Variants in FAM234A observed in about 807,000 individuals in gnomAD.
The protein encoded by FAM234A is protein FAM234A.
A neutral mutation model predicts 49.1 loss-of-function variants in FAM234A; 42 were observed. The ratio of observed to expected loss-of-function variants is 0.86; its 90% CI spans 0.67 to 1.11. The LOEUF (loss-of-function observed/expected upper bound fraction) is 1.11, where lower values mean the gene tolerates loss of function less well. FAM234A is among the 50% of genes least tolerant of loss of function. FAM234A has a pLI of 0.00. For synonymous variants in FAM234A, 369 were observed against 316.2 expected (o/e 1.17, Z -1.77); for missense variants, 815 against 745.2 (o/e 1.09, Z -1.09).
At chr16:269,008 A>G, downstream of FAM234A, 1 of 1,430,558 alleles carries the variant, frequency 7.0e-7, no homozygotes, top group Non-Finnish European at 9.6e-7. Context: ...CTCTTCAGGT[A>G]ACAGGCTCTG....
intron 3 of FAM234A, among the ~76,000 whole-genome samples, chr16:258,695 C>T (rs1213181885): frequency 2.6e-5 from 4 of 152,188 alleles, no homozygotes; most frequent in African/African-American, 7.2e-5. Flanking sequence ...GGGTGGTAGC[C>T]GGGCAGAGGG....
intron 12 of FAM234A, 27 bp downstream of exon 12, chr16:264,743 G>T: frequency 1.2e-6 from 2 of 1,607,894 alleles, no homozygotes; most frequent in Non-Finnish European, 1.7e-6. Flanking sequence ...CCAGGGACCC[G>T]GGTGTTCCGC....
intron 3 of FAM234A, 46 bp downstream of exon 3, chr16:254,727 C>T: frequency 1.3e-6 from 2 of 1,598,356 alleles, no homozygotes; most frequent in Non-Finnish European, 1.7e-6. Context: ...GCAGCTCTTC[C>T]CAGGGGATGG....
chr16:260,150 C>T lies in FAM234A; in HGVS notation c.567C>T (p.Asn189=), dbSNP rs1449748786. Residue 189 remains asparagine, a synonymous_variant, in exon 5 of 13, where the codon AAC becomes AAT. Coordinates refer to ENST00000399932, the MANE Select transcript of FAM234A (RefSeq NM_032039.4). Reference sequence around the variant, plus strand: ...GACCCAGTTCTTTCATTGCAGTCAACTTGTTCACAGGTAGGCCAGCCAGGC... The same window carrying T: ...GACCCAGTTCTTTCATTGCAGTCAATTTGTTCACAGGTAGGCCAGCCAGGC... ...VGRPSSFIAV[N]LFTGETLWNH... 1.2e-6 allele frequency: 2 copies of T among 1,613,676 alleles called. No homozygotes were observed. Among genetic ancestry groups the T allele is most frequent in the East Asian group, 4.5e-5 (2 of 44,882 alleles).
chr16:241,310 G>A (rs948638184), intron 1 of FAM234A, among the ~76,000 whole-genome samples: 8 of 151,308 alleles, frequency 5.3e-5, no homozygotes, highest in African/African-American at 1.9e-4. Flanking sequence ...GGCTGGGCAC[G>A]GTGGTTCACA....
rs1236442005 is a variant in FAM234A at position 264,172 on chromosome 16, G to A, written c.1344+1G>A. The A allele has an allele frequency of 1.9e-6, 3 of 1,597,270 alleles. No individual in the cohort carries two copies. The highest frequency in any genetic ancestry group is 1.7e-5 in the Admixed American group (1 of 58,470). ...CGAGCTGGGGAGCACCAGCGAGACGGTACGGGAGCCACCCTCGGAGCAGCC... is the reference window on the plus strand; with the variant it reads ...CGAGCTGGGGAGCACCAGCGAGACGATACGGGAGCCACCCTCGGAGCAGCC... On this transcript the variant is annotated splice_donor_variant, in intron 11 of 12. Coordinates refer to ENST00000399932, the MANE Select transcript of FAM234A (RefSeq NM_032039.4). LOFTEE classifies it high-confidence loss of function.
chr16:237,763 G>T (rs1350879700), intron 1 of FAM234A, among the ~76,000 whole-genome samples: 2 of 150,540 alleles, frequency 1.3e-5, no homozygotes, highest in Non-Finnish European at 1.5e-5. Context: ...CCAGGCTGGA[G>T]TGCAGTGACG....
intron 2 of FAM234A, among the ~76,000 whole-genome samples, chr16:252,350 T>G (rs1048558037): frequency 6.6e-6 from 1 of 151,754 alleles, no homozygotes; most frequent in Non-Finnish European, 1.5e-5. Context: ...CCCAGCTAAT[T>G]TTTGTATTTT....
chr16:238,701 G>A (rs2050493164), intron 1 of FAM234A, among the ~76,000 whole-genome samples: 2 of 148,002 alleles, frequency 1.4e-5, no homozygotes, highest in African/African-American at 5.0e-5. Context: ...GGGAGGCGGA[G>A]GTTGTAGTGA....
At position 264,792 on chromosome 16, in the gene FAM234A, T is replaced by C. The variant is rs1423085342; in HGVS notation, c.1448-19T>C. On this transcript the variant is annotated intron_variant, in intron 12 of 12. Transcript: ENST00000399932. ...GCTGGTCCTGAGCCGCCCTGACAGC[T>C]GTGTCCCCCACCCTGCAGCCGTCCT... The C allele has an allele frequency of 6.2e-7, 1 of 1,607,448 alleles. No individual in the cohort carries two copies. The highest frequency in any genetic ancestry group is 1.7e-5 in the Admixed American group (1 of 59,814).
chr16:262,653 C>T, intron 8 of FAM234A, 100 bp downstream of exon 8: 1 of 1,274,740 alleles, frequency 7.8e-7, no homozygotes, highest in Non-Finnish European at 1.0e-6. Context: ...CCCAGAGCAG[C>T]CCCACCGGCA....
chr16:254,053 G>T, intron 2 of FAM234A: 1 of 285,320 alleles, frequency 3.5e-6, no homozygotes, highest in South Asian at 3.7e-5. Flanking sequence ...CTGAGTAGGT[G>T]GGGCTTAGTT....
chr16:263,521 C>T, intron 9 of FAM234A, 119 bp downstream of exon 9: 2 of 1,427,816 alleles, frequency 1.4e-6, no homozygotes, highest in African/African-American at 1.4e-5. Context: ...TGTGCTGCTG[C>T]CCGGGCTTCT....
intron 1 of FAM234A, among the ~76,000 whole-genome samples, chr16:235,817 A>T (rs2050379221): frequency 6.6e-6 from 1 of 152,182 alleles, no homozygotes; most frequent in African/African-American, 2.4e-5. Flanking sequence ...AGGAGCTTCT[A>T]TTCTACTGGA....
chr16:265,947 T>TGAGG lies in FAM234A; in HGVS notation c.*925_*926insGAGG, dbSNP rs2051681012. On this transcript the variant is annotated 3_prime_UTR_variant, in exon 13 of 13. Transcript: ENST00000399932. ...CCGATGCAGGACTCACCTCTGTGCC[T>TGAGG]TGCTGCTCCTGAGGCCCAAGGGCAG... 1.0e-6 allele frequency: 1 copy of TGAGG among 985,884 alleles called. No homozygotes were observed. Among genetic ancestry groups the TGAGG allele is most frequent in the Non-Finnish European group, 1.2e-6 (1 of 830,076 alleles). 61.1% of individuals were successfully genotyped at this position (985,884 alleles called of 1,614,324 possible).
In FAM234A at chr16:264,620, G is replaced by T. The variant is rs374928451; in HGVS notation, c.1351G>T (p.Gly451Trp). Residue 451 changes from glycine (G) to tryptophan (W), a missense_variant, in exon 12 of 13, where the codon GGG (glycine) becomes TGG (tryptophan). Transcript: ENST00000399932. ...TTGCTGGTTCTCGCTCCAGGAGACCGGGGAGGCCCGGCACAGCCTGTACAT... is the reference window on the plus strand; with the variant it reads ...TTGCTGGTTCTCGCTCCAGGAGACCTGGGAGGCCCGGCACAGCCTGTACAT... ...ELGSTSETETGEARHSLYMFH... is the reference protein window; with the variant it reads ...ELGSTSETETWEARHSLYMFH... 18 of 1,607,920 alleles carry T rather than the reference G, an allele frequency of 1.1e-5. No homozygotes were observed. Among genetic ancestry groups the T allele is most frequent in the Non-Finnish European group, 1.4e-5 (16 of 1,177,696 alleles).
At position 265,566 on chromosome 16, in the gene FAM234A, G is replaced by A. The variant is rs999186072; in HGVS notation, c.*544G>A. 1.2e-5 allele frequency: 12 copies of A among 985,700 alleles called. No homozygotes were observed. Among genetic ancestry groups the A allele is most frequent in the African/African-American group, 3.5e-5 (2 of 57,202 alleles). The allele number at this position is 985,700 out of a possible 1,614,324, so 61.1% of individuals were successfully genotyped here. On this transcript the variant is annotated 3_prime_UTR_variant, in exon 13 of 13. Transcript: ENST00000399932. ...GGGAACCTGAGACAGCTCCAGCTTC[G>A]CAGCCCTTCCCGGAGCTACAGGGGG...
chr16:264,222 C>T (rs1389128274), intron 11 of FAM234A, 51 bp downstream of exon 11: 3 of 1,528,062 alleles, frequency 2.0e-6, no homozygotes, highest in Non-Finnish European at 2.6e-6. Flanking sequence ...GGCCAGAGAC[C>T]CAGGCTGGAG....
downstream of FAM234A, among the ~76,000 whole-genome samples, chr16:266,689 T>C (rs1019221893): frequency 2.0e-5 from 3 of 152,146 alleles, no homozygotes; most frequent in Non-Finnish European, 2.9e-5. Flanking sequence ...GGGATGAGGT[T>C]GAACAGGTGG....
Sources: gnomAD v4.1 joint callset for allele counts (sites outside exome capture counted in the v4.1 genomes callset) on GRCh38, gnomAD v4.1.1 for gene constraint, MANE v1.5 for transcripts, NCBI Gene and HGNC (gene_info 2026-07-23, HGNC 2026-07-21) for gene names.